PTK2: variants seen among roughly 807,000 people sequenced by gnomAD.
PTK2 encodes the protein protein tyrosine kinase 2.
In PTK2, 45 loss-of-function variants were observed where a neutral mutation model predicts 150.1. The observed-to-expected ratio is 0.30, with a 90% CI of 0.24 to 0.38. The LOEUF is 0.38. Among genes scored for constraint, PTK2 ranks in the 10% least tolerant of loss-of-function variants. The probability of loss-of-function intolerance (pLI) is 1.00; values close to 1 mark genes in which losing one functional copy is unlikely to be tolerated. For synonymous variants in PTK2, 432 were observed against 449.2 expected, an observed-to-expected ratio of 0.96 and a Z score of 0.48; for missense variants, 919 against 1,307.3, an observed-to-expected ratio of 0.70 and a Z score of 4.58.
At chr8:140,805,510 G>A (rs1215195984) in intron 10 of PTK2, among the ~76,000 whole-genome samples, 2 of 145,430 alleles carry the variant, frequency 1.4e-5, no homozygotes, top group African/African-American at 5.1e-5. Flanking sequence ...AGTGAGCTGA[G>A]ATCATGCCAT....
chr8:140,785,758 T>A (rs930960494), intron 14 of PTK2, among the ~76,000 whole-genome samples: 1 of 152,220 alleles, frequency 6.6e-6, no homozygotes, highest in Non-Finnish European at 1.5e-5. Context: ...ATTTTCAAGC[T>A]GTGTGACACT....
intron 1 of PTK2, among the ~76,000 whole-genome samples, chr8:140,934,284 T>C (rs985768616): frequency 1.3e-5 from 2 of 152,162 alleles, no homozygotes; most frequent in East Asian, 3.9e-4. Context: ...GTCATGCGCC[T>C]GTAGTCCCAG....
At chr8:140,764,944 G>A (rs1481967034) in intron 14 of PTK2, 1 of 152,258 alleles carries the variant, frequency 6.6e-6, no homozygotes, top group African/African-American at 2.4e-5. Flanking sequence ...TTGAGATCAC[G>A]TCAAGAAGTT....
intron 23 of PTK2, among the ~76,000 whole-genome samples, chr8:140,709,937 A>G (rs2100035853): frequency 6.6e-6 from 1 of 152,182 alleles, no homozygotes; most frequent in South Asian, 2.1e-4. Context: ...GCATCCATAG[A>G]TTCAACCAAT....
intron 22 of PTK2, among the ~76,000 whole-genome samples, chr8:140,730,485 T>C (rs570550999): frequency 6.6e-6 from 1 of 152,308 alleles, no homozygotes; most frequent in South Asian, 2.1e-4. Context: ...ATGGTCAAGA[T>C]AGAGGTTACC....
chr8:140,964,531 C>A (rs1435957520), intron 1 of PTK2, among the ~76,000 whole-genome samples: 1 of 151,312 alleles, frequency 6.6e-6, no homozygotes, highest in Non-Finnish European at 1.5e-5. Context: ...GTGGGCACCA[C>A]CCCCAGCCCC....
chr8:140,918,203 G>T (rs1429684644), intron 2 of PTK2, among the ~76,000 whole-genome samples: 1 of 152,152 alleles, frequency 6.6e-6, no homozygotes, highest in Non-Finnish European at 1.5e-5. Flanking sequence ...AGAGTTCGGG[G>T]TGTTTGAGGC....
rs546639227 is a variant in PTK2 at position 140,739,409 on chromosome 8, T to A, written c.1736-302A>T. ...TTTAGGTGCAGGTATTAGGTGCAGC[T>A]CTGGTATATAAGATTTCACAATTTA... is the stretch of plus-strand genomic sequence containing the variant. On this transcript the variant is annotated intron_variant, in intron 20 of 31. Coordinates refer to ENST00000522684, the Ensembl canonical transcript of PTK2. 2.6e-5 allele frequency among the ~76,000 whole-genome samples: 4 copies of A among 152,258 alleles called. No homozygotes were observed. The South Asian group carries it at 8.3e-4, about 32-fold the overall frequency.
chr8:140,812,284 A>G (rs189087927), intron 10 of PTK2, among the ~76,000 whole-genome samples: 105 of 152,340 alleles, frequency 6.9e-4, no homozygotes, highest in South Asian at 1.7e-3. Context: ...CTGAAATTTT[A>G]TAATTCCAGC....
At position 140,936,620 on chromosome 8, in the gene PTK2, T is replaced by C. The variant is rs117648171; in HGVS notation, c.-121-10871A>G. 3.5e-4 allele frequency among the ~76,000 whole-genome samples: 53 copies of C among 151,806 alleles called. No individual in the cohort carries two copies. The East Asian group carries it at 0.01, about 29-fold the overall frequency. ...ACCTCAGAAACAATCTGTAACCAAT[T>C]CAAAAACTGGACCTCCTTAACCTTC... On this transcript the variant is annotated intron_variant, in intron 1 of 31. Coordinates refer to ENST00000522684, the Ensembl canonical transcript of PTK2.
At chr8:140,660,650 TG>T in intron 31 of PTK2, 1 of 455,096 alleles carries the variant, frequency 2.2e-6, no homozygotes, top group Non-Finnish European at 4.4e-6. Context: ...GGCTTGAGCC[TG>T]GAAGACAGAG....
At chr8:140,786,900 G>A (rs2100085287) in intron 14 of PTK2, among the ~76,000 whole-genome samples, 4 of 152,056 alleles carry the variant, frequency 2.6e-5, no homozygotes, top group Admixed American at 2.0e-4. Flanking sequence ...AACAGCTCAA[G>A]CAGAACAACA....
At chr8:140,863,738 T>C (rs1466357592) in intron 5 of PTK2, among the ~76,000 whole-genome samples, 2 of 152,322 alleles carry the variant, frequency 1.3e-5, no homozygotes, top group African/African-American at 4.8e-5. Flanking sequence ...AATCCTCCAC[T>C]AGACAGAAGA....
At chr8:140,830,065 T>C (rs1459137006) in intron 8 of PTK2, among the ~76,000 whole-genome samples, 3 of 135,440 alleles carry the variant, frequency 2.2e-5, no homozygotes, top group Non-Finnish European at 4.6e-5. Flanking sequence ...CAAAATGCAC[T>C]AACATGCACG....
At chr8:140,903,382 GC>G (rs1470438749) in intron 2 of PTK2, among the ~76,000 whole-genome samples, 8 of 151,930 alleles carry the variant, frequency 5.3e-5, no homozygotes, top group African/African-American at 1.9e-4. Flanking sequence ...TGGTACCACT[GC>G]CATGCTGTTT....
intron 26 of PTK2, among the ~76,000 whole-genome samples, chr8:140,691,103 T>C (rs2100022908): frequency 6.6e-6 from 1 of 152,050 alleles, no homozygotes; most frequent in Non-Finnish European, 1.5e-5. Context: ...ATAAATAGGC[T>C]GTAGATGAAC....
At chr8:140,712,339 G>A (rs1031721946) in intron 23 of PTK2, among the ~76,000 whole-genome samples, 19 of 152,280 alleles carry the variant, frequency 1.2e-4, no homozygotes, top group African/African-American at 4.6e-4. Context: ...GCAGTCTTAC[G>A]ATGTTCTGTT....
intron 1 of PTK2, among the ~76,000 whole-genome samples, chr8:140,996,574 C>A (rs1188249127): frequency 1.3e-5 from 2 of 152,186 alleles, no homozygotes; most frequent in Admixed American, 1.3e-4. Flanking sequence ...AAGTTGAAGC[C>A]AATGCTCGTT....
chr8:140,685,443 G>C (rs1300384022), intron 27 of PTK2, among the ~76,000 whole-genome samples: 1 of 152,148 alleles, frequency 6.6e-6, no homozygotes, highest in Non-Finnish European at 1.5e-5. Flanking sequence ...ACTAAGAGCA[G>C]AATAAACAAC....
Sources: allele counts gnomAD v4.1 joint callset (sites outside exome capture counted in the v4.1 genomes callset), GRCh38; gene constraint gnomAD v4.1.1; transcripts MANE v1.5; gene names NCBI Gene and HGNC (gene_info 2026-07-23, HGNC 2026-07-21).